ASAH2: variants seen among roughly 807,000 people sequenced by gnomAD.
ASAH2 encodes neutral ceramidase.
A neutral mutation model predicts 82.9 loss-of-function variants in ASAH2; 58 were observed. That is an observed-to-expected ratio of 0.70 (90% CI 0.57 to 0.87). The LOEUF is 0.87. Among genes scored for constraint, ASAH2 ranks in the 40% least tolerant of loss-of-function variants. The probability of loss-of-function intolerance (pLI) is 0.00; values close to 1 mark genes in which losing one functional copy is unlikely to be tolerated. For synonymous variants in ASAH2, 276 were observed against 289.7 expected, an observed-to-expected ratio of 0.95 and a Z score of 0.48; for missense variants, 779 against 834.0, an observed-to-expected ratio of 0.93 and a Z score of 0.81.
chr10:50,238,791 T>C (rs1846221996), intron 4 of ASAH2, among the ~76,000 whole-genome samples: 2 of 152,122 alleles, frequency 1.3e-5, no homozygotes, highest in Non-Finnish European at 2.9e-5. Context: ...AATCAAGCCC[T>C]TAAGAAGACA....
intron 7 of ASAH2, among the ~76,000 whole-genome samples, chr10:50,221,392 A>C (rs949193573): frequency 8.5e-5 from 13 of 152,180 alleles, no homozygotes; most frequent in African/African-American, 2.9e-4. Context: ...CCAACACTGA[A>C]TATTTCCATT....
chr10:50,210,821 A>T lies in ASAH2; in HGVS notation c.1414+2T>A, dbSNP rs1330101195. 6.2e-7 allele frequency: 1 copy of T among 1,608,206 alleles called. No homozygotes were observed. The highest frequency in any genetic ancestry group is 8.5e-7 in the Non-Finnish European group (1 of 1,174,766). Reference sequence around the variant, plus strand: ...CATAGATTTTACTGGACTTCACCTTACCCTGTGTAAAATTGAGGCCTCCAA... The same window carrying T: ...CATAGATTTTACTGGACTTCACCTTTCCCTGTGTAAAATTGAGGCCTCCAA... On this transcript the variant is annotated splice_donor_variant, in intron 12 of 20. Coordinates refer to ENST00000682911, the MANE Select transcript of ASAH2 (RefSeq NM_019893.4). LOFTEE classifies it high-confidence loss of function.
intron 7 of ASAH2, among the ~76,000 whole-genome samples, chr10:50,229,322 GA>G (rs1413366474): frequency 1.3e-5 from 2 of 150,146 alleles, no homozygotes; most frequent in Non-Finnish European, 3.0e-5. Context: ...CATGTCTGGA[GA>G]AAAAAAAACA....
intron 10 of ASAH2, among the ~76,000 whole-genome samples, chr10:50,212,435 C>CA (rs1333214174): frequency 6.6e-6 from 1 of 151,938 alleles, no homozygotes; most frequent in Non-Finnish European, 1.5e-5. Context: ...AGAGCTTCAT[C>CA]AAAAAGTTTT....
At chr10:50,202,422 G>A (rs1845174906) in intron 16 of ASAH2, among the ~76,000 whole-genome samples, 3 of 151,910 alleles carry the variant, frequency 2.0e-5, no homozygotes, top group African/African-American at 7.3e-5. Context: ...ATACTGTGAG[G>A]ATTACTTTAA....
Position 50,235,956 on chromosome 10 carries a change from C to T in ASAH2, c.619G>A (p.Val207Met), listed in dbSNP as rs1002426861. The change falls in exon 5 of 21, where the codon GTG (valine) becomes ATG (methionine). Residue 207 changes from valine (V) to methionine (M), a missense_variant. This residue lies in a region of ASAH2 where 759 missense variants were observed against 755.2 expected (regional missense o/e 1.00). Transcript: ENST00000682911. ...AATCCTTCACTGGCAATTACAAACA[C>T]GGTATACTGGAAATATCCTGCAGGA... is the stretch of plus-strand genomic sequence containing the variant. ...SGPAGYFQYT[V>M]FVIASEGFSN... 75 of 1,613,240 alleles carry T rather than the reference C, an allele frequency of 4.6e-5. No homozygotes were observed. The Middle Eastern group carries it at 4.9e-4, about 11-fold the overall frequency.
At chr10:50,200,555 C>T (rs1160588889) in intron 16 of ASAH2, among the ~76,000 whole-genome samples, 1 of 152,016 alleles carries the variant, frequency 6.6e-6, no homozygotes, top group African/African-American at 2.4e-5. Context: ...CCTCAAATAC[C>T]CAGTCTGGGC....
chr10:50,233,178 C>G lies in ASAH2; in HGVS notation c.893+6G>C. 1.3e-6 allele frequency: 2 copies of G among 1,593,716 alleles called. No individual in the cohort carries two copies. The highest frequency in any genetic ancestry group is 1.7e-6 in the Non-Finnish European group (2 of 1,161,730). On this transcript the variant is annotated splice_donor_region_variant and intron_variant, in intron 7 of 20. Coordinates refer to ENST00000682911, the MANE Select transcript of ASAH2 (RefSeq NM_019893.4). ...CAGAATTATTTTTAAAAAGGAAATA[C>G]AGTACCTGATAAGGCCCAAGTCATC...
chr10:50,233,543 C>A (rs1223506588), intron 6 of ASAH2, among the ~76,000 whole-genome samples: 1 of 151,984 alleles, frequency 6.6e-6, no homozygotes, highest in East Asian at 1.9e-4. Flanking sequence ...GTATTTCTTA[C>A]AAAAGGGATT....
rs1009257912 is a variant in ASAH2, at chr10:50,209,318, C to A, written c.1414+1505G>T. On this transcript the variant is annotated intron_variant, in intron 12 of 20. Transcript: ENST00000682911. The stretch of plus-strand genomic sequence containing the variant: ...AAGAATGTTTGTGCTTCAAATGATA[C>A]AATCAATAAAGTGAAAAAACCTACA... Among the ~76,000 whole-genome samples the A allele has an allele frequency of 3.4e-4, 51 of 152,030 alleles. No homozygotes were observed. The South Asian group carries it at 0.01, about 31-fold the overall frequency.
At chr10:50,210,292 G>A (rs1175697024) in intron 12 of ASAH2, among the ~76,000 whole-genome samples, 2 of 152,070 alleles carry the variant, frequency 1.3e-5, no homozygotes, top group Admixed American at 6.6e-5. Flanking sequence ...CTTGAGGTCA[G>A]GAATTCCAGA....
At chr10:50,204,810 A>C in intron 14 of ASAH2, 51 bp downstream of exon 14, 1 of 1,340,036 alleles carries the variant, frequency 7.5e-7, no homozygotes, top group Non-Finnish European at 1.1e-6. Flanking sequence ...CAATTCCAAC[A>C]GAACATACAA....
At chr10:50,212,213 G>T (rs908700777) in intron 10 of ASAH2, among the ~76,000 whole-genome samples, 2 of 119,250 alleles carry the variant, frequency 1.7e-5, no homozygotes, top group East Asian at 6.7e-4. Context: ...ACACACACAC[G>T]CAGCAAAGGT....
chr10:50,198,126 C>A (rs1845039109), intron 17 of ASAH2, among the ~76,000 whole-genome samples: 3 of 151,850 alleles, frequency 2.0e-5, no homozygotes, highest in Admixed American at 2.0e-4. Flanking sequence ...TTGATGCAAC[C>A]TACAGAGACA....
chr10:50,248,006 T>C lies in ASAH2; in HGVS notation c.127+478A>G, dbSNP rs996913904. Among the ~76,000 whole-genome samples, 7 of 152,270 alleles carry C rather than the reference T, an allele frequency of 4.6e-5. No homozygotes were observed. In the East Asian group the frequency reaches 5.8e-4, roughly 13 times the overall value. ...TCTCCTCCTTGGTCCACCTCCTCAC[T>C]CCACCTCATCTGCAAAACTTGATTA... is the stretch of plus-strand genomic sequence containing the variant. On this transcript the variant is annotated intron_variant, in intron 2 of 20. Coordinates refer to ENST00000682911, the MANE Select transcript of ASAH2 (RefSeq NM_019893.4).
At chr10:50,242,280 C>T (rs1318045166) in intron 4 of ASAH2, among the ~76,000 whole-genome samples, 1 of 152,164 alleles carries the variant, frequency 6.6e-6, no homozygotes, top group Non-Finnish European at 1.5e-5. Flanking sequence ...ATGAGGGAGG[C>T]TTCCGCTCTC....
intron 4 of ASAH2, among the ~76,000 whole-genome samples, chr10:50,239,828 A>ATT (rs1208518684): frequency 0.21 from 25,235 of 119,878 alleles, 3,591 homozygotes; most frequent in Non-Finnish European, 0.29. Flanking sequence ...CTCACATTTA[A>ATT]TTTTTTTTTT....
chr10:50,211,294 T>G (rs983081947), intron 10 of ASAH2, among the ~76,000 whole-genome samples, 160 bp from the exon 11 acceptor site: 113 of 152,280 alleles, frequency 7.4e-4, no homozygotes, highest in Non-Finnish European at 1.2e-3. Flanking sequence ...CACATGGGTC[T>G]CTCTCTACCA....
chr10:50,232,105 G>A (rs970016946), intron 7 of ASAH2, among the ~76,000 whole-genome samples: 1 of 152,110 alleles, frequency 6.6e-6, no homozygotes, highest in Non-Finnish European at 1.5e-5. Context: ...TTACCATGTT[G>A]TTCTCCACCT....
Sources: gnomAD v4.1 joint callset for allele counts (sites outside exome capture counted in the v4.1 genomes callset) on GRCh38, gnomAD v4.1.1 for gene constraint, gnomAD v4.1.1 regional missense constraint, MANE v1.5 for transcripts, NCBI Gene and HGNC (gene_info 2026-07-23, HGNC 2026-07-21) for gene names.